GABRG1: variants seen among roughly 807,000 people sequenced by gnomAD.
GABRG1 encodes gamma-aminobutyric acid receptor subunit gamma-1.
In GABRG1, 49 loss-of-function variants were observed where a neutral mutation model predicts 49.8. That is an observed-to-expected ratio of 0.98 (90% CI 0.78 to 1.25). The LOEUF (loss-of-function observed/expected upper bound fraction) is 1.25. Among genes scored for constraint, GABRG1 ranks in the 50% most tolerant of loss-of-function variants. GABRG1 has a pLI of 0.00. For synonymous variants in GABRG1, 232 were observed against 185.1 expected (o/e 1.25, Z -2.06); for missense variants, 552 against 552.3 (o/e 1.00, Z 0.01).
chr4:46,082,370 C>T (rs1719608836), intron 3 of GABRG1, among the ~76,000 whole-genome samples: 1 of 151,546 alleles, frequency 6.6e-6, no homozygotes, highest in Non-Finnish European at 1.5e-5. Context: ...ACTCTTATCT[C>T]ATCTTCTTCT....
At chr4:46,062,338 G>A (rs949976280) in intron 5 of GABRG1, among the ~76,000 whole-genome samples, 19 of 151,936 alleles carry the variant, frequency 1.3e-4, no homozygotes, top group Middle Eastern at 3.4e-3. Context: ...ATAAACATAC[G>A]TGTGCATGTG....
chr4:46,119,121 CT>C (rs1721020315), intron 1 of GABRG1, among the ~76,000 whole-genome samples: 2 of 150,410 alleles, frequency 1.3e-5, no homozygotes, highest in South Asian at 4.2e-4. Context: ...GTGTGTTTGT[CT>C]GCGTCAAGTA....
intron 3 of GABRG1, among the ~76,000 whole-genome samples, chr4:46,078,505 A>G (rs1482780988): frequency 2.0e-5 from 3 of 151,916 alleles, no homozygotes; most frequent in Admixed American, 6.6e-5. Context: ...GGAGAAAAAG[A>G]GAGGGTGAGA....
At chr4:46,077,050 G>T (rs1244126072) in intron 3 of GABRG1, among the ~76,000 whole-genome samples, 1 of 144,956 alleles carries the variant, frequency 6.9e-6, no homozygotes, top group Non-Finnish European at 1.5e-5. Context: ...TAATGACATA[G>T]TATATCATTA....
At chr4:46,083,302 T>TTACA (rs1560363729) in intron 3 of GABRG1, among the ~76,000 whole-genome samples, 5 of 151,696 alleles carry the variant, frequency 3.3e-5, no homozygotes, top group African/African-American at 1.2e-4. Context: ...TAACCTGTAA[T>TTACA]GGGTCTCTGT....
At chr4:46,101,389 C>T (rs73144891) in intron 1 of GABRG1, among the ~76,000 whole-genome samples, 12,223 of 151,010 alleles carry the variant, frequency 0.081, 965 homozygotes, top group African/African-American at 0.2. Flanking sequence ...ACAAAACCTA[C>T]GGTACGTAAT....
intron 1 of GABRG1, among the ~76,000 whole-genome samples, chr4:46,116,167 A>G (rs1023008862): frequency 1.3e-5 from 2 of 150,972 alleles, no homozygotes; most frequent in South Asian, 2.1e-4. Context: ...CACCCATCCA[A>G]TGAAATCTTC....
At chr4:46,050,612 CT>C (rs1718177388) in intron 8 of GABRG1, among the ~76,000 whole-genome samples, 1 of 151,624 alleles carries the variant, frequency 6.6e-6, no homozygotes, top group African/African-American at 2.4e-5. Flanking sequence ...AAATAAATGT[CT>C]ATTTTTTTAA....
Position 46,058,525 on chromosome 4 carries a change from T to C in GABRG1, c.723A>G (p.Val241=), listed in dbSNP as rs767426287. 4 of 1,613,378 alleles carry C rather than the reference T, an allele frequency of 2.5e-6. No individual in the cohort carries two copies. In the Admixed American group the frequency reaches 5.0e-5, roughly 20 times the overall value. ...TGATTTCAGTTGAGTTCCGTAACCCTACAAATGCAAACTGATATAATCTCC... is the reference window on the plus strand; with the variant it reads ...TGATTTCAGTTGAGTTCCGTAACCCCACAAATGCAAACTGATATAATCTCC... ...KYWRLYQFAF[V]GLRNSTEITH... Residue 241 remains valine (V), a synonymous_variant, in exon 6 of 9, where the codon GTA becomes GTG. Coordinates refer to ENST00000295452, the MANE Select transcript of GABRG1 (RefSeq NM_173536.4).
intron 1 of GABRG1, among the ~76,000 whole-genome samples, chr4:46,098,063 G>A (rs1349257175): frequency 4.0e-5 from 6 of 151,544 alleles, no homozygotes; most frequent in Non-Finnish European, 8.9e-5. Context: ...TTATAACTGA[G>A]AAAACCAAGG....
intron 5 of GABRG1, among the ~76,000 whole-genome samples, chr4:46,061,044 C>T (rs2109404854): frequency 6.6e-6 from 1 of 152,170 alleles, no homozygotes; most frequent in South Asian, 2.1e-4. Context: ...TATTGACACC[C>T]AATTAAACTC....
chr4:46,071,974 A>G (rs1228980033), intron 3 of GABRG1, among the ~76,000 whole-genome samples: 1 of 152,066 alleles, frequency 6.6e-6, no homozygotes, highest in Non-Finnish European at 1.5e-5. Context: ...CCAGGCCTTC[A>G]CATTCACTCA....
At chr4:46,073,276 C>A (rs879922325) in intron 3 of GABRG1, among the ~76,000 whole-genome samples, 1 of 151,902 alleles carries the variant, frequency 6.6e-6, no homozygotes, top group Non-Finnish European at 1.5e-5. Context: ...TCTATCTTCT[C>A]ATTTTTTCCT....
At chr4:46,115,770 A>G (rs1025723027) in intron 1 of GABRG1, among the ~76,000 whole-genome samples, 5 of 150,968 alleles carry the variant, frequency 3.3e-5, no homozygotes, top group East Asian at 3.9e-4. Flanking sequence ...TTAGCACTGT[A>G]TATCTCTGTT....
At chr4:46,059,409 C>T (rs369687513) in intron 5 of GABRG1, among the ~76,000 whole-genome samples, 18 of 150,114 alleles carry the variant, frequency 1.2e-4, no homozygotes, top group East Asian at 7.9e-4. Context: ...TTTTTTTAGA[C>T]GGAGTCTCAC....
intron 5 of GABRG1, among the ~76,000 whole-genome samples, chr4:46,058,903 A>G (rs1476317431): frequency 6.6e-6 from 1 of 152,036 alleles, no homozygotes; most frequent in East Asian, 1.9e-4. Flanking sequence ...TTCCTCCCCA[A>G]TCTAGAGGTA....
intron 1 of GABRG1, among the ~76,000 whole-genome samples, chr4:46,115,371 T>C (rs1349407397): frequency 6.6e-6 from 1 of 150,704 alleles, no homozygotes; most frequent in African/African-American, 2.4e-5. Context: ...GAAATGCTAA[T>C]TAGCTCTTTT....
rs1367686677 is a variant in GABRG1, at chr4:46,109,241, A to G, written c.105-11892T>C. On this transcript the variant is annotated intron_variant, in intron 1 of 8. Coordinates refer to ENST00000295452, the MANE Select transcript of GABRG1 (RefSeq NM_173536.4). The stretch of plus-strand genomic sequence containing the variant: ...AGGATTTTAATTTCTTACTGATTCA[A>G]TCTTGGAAGATTGTGTGTTTCCAGG... Among the ~76,000 whole-genome samples the G allele has an allele frequency of 2.0e-5, 3 of 150,954 alleles. No homozygotes were observed. The South Asian group carries it at 6.2e-4, about 31-fold the overall frequency.
rs921377697 is a variant in GABRG1, at chr4:46,038,557, T to A, written c.*2431A>T. The A allele has an allele frequency of 9.2e-5, 14 of 151,546 alleles. No homozygotes were observed. The highest frequency in any genetic ancestry group is 2.0e-4 in the Admixed American group (3 of 15,138). 9.4% of individuals were successfully genotyped at this position (151,546 alleles called of 1,614,324 possible). On this transcript the variant is annotated 3_prime_UTR_variant, in exon 9 of 9. Coordinates refer to ENST00000295452, the MANE Select transcript of GABRG1 (RefSeq NM_173536.4). ...TCCCCAGAGAAAGAGGAAGATTTTT[T>A]AAAAAAATTATTTCTCAAGGTGGTG...
Sources: gnomAD v4.1 joint callset for allele counts (sites outside exome capture counted in the v4.1 genomes callset) on GRCh38, gnomAD v4.1.1 for gene constraint, MANE v1.5 for transcripts, NCBI Gene and HGNC (gene_info 2026-07-23, HGNC 2026-07-21) for gene names.